The following RBFOX1 variants were observed in gnomAD, a reference collection of about 807,000 sequenced individuals.
The protein encoded by RBFOX1 is RNA binding protein fox-1 homolog 1.
In RBFOX1, 8 loss-of-function variants were observed where a neutral mutation model predicts 57.7. The observed-to-expected ratio is 0.14, with a 90% confidence interval of 0.08 to 0.25. The LOEUF (loss-of-function observed/expected upper bound fraction) is 0.25. RBFOX1 is among the 10% of genes least tolerant of loss of function. The probability of loss-of-function intolerance (pLI) is 1.00; values close to 1 mark genes in which losing one functional copy is unlikely to be tolerated. For synonymous variants in RBFOX1, 326 were observed against 222.4 expected (o/e 1.47, Z -4.15); for missense variants, 611 against 548.5 (o/e 1.11, Z -1.14).
intron 2 of RBFOX1, among the ~76,000 whole-genome samples, chr16:5,512,820 C>T (rs2043652435): frequency 6.6e-6 from 1 of 152,134 alleles, no homozygotes; most frequent in African/African-American, 2.4e-5. Flanking sequence ...TAGTTCTTGC[C>T]TCATGTCTGC....
At chr16:6,451,305 C>T (rs1043388540) in intron 2 of RBFOX1, among the ~76,000 whole-genome samples, 1 of 152,118 alleles carries the variant, frequency 6.6e-6, no homozygotes, top group Admixed American at 6.5e-5. Context: ...GAAGTATCAA[C>T]ATTAGGAATA....
At chr16:5,977,588 G>C (rs2060090755) in intron 4 of RBFOX1, among the ~76,000 whole-genome samples, 1 of 152,206 alleles carries the variant, frequency 6.6e-6, no homozygotes, top group Non-Finnish European at 1.5e-5. Flanking sequence ...ACAGCCTCCA[G>C]CTTCTGGGAA....
At chr16:7,365,627 G>T (rs1353781911) in intron 4 of RBFOX1, among the ~76,000 whole-genome samples, 1 of 152,184 alleles carries the variant, frequency 6.6e-6, no homozygotes, top group Non-Finnish European at 1.5e-5. Flanking sequence ...ATCTTGTGCT[G>T]ATTTACAGCA....
At chr16:6,933,429 C>G (rs2076879830) in intron 3 of RBFOX1, among the ~76,000 whole-genome samples, 1 of 152,228 alleles carries the variant, frequency 6.6e-6, no homozygotes, top group African/African-American at 2.4e-5. Context: ...AATGGCCATC[C>G]TGGCCAGGTG....
At chr16:7,410,830 CGTGTGTGTGTGTGTGTGTGTGT>C (rs56755477) in intron 4 of RBFOX1, among the ~76,000 whole-genome samples, 5 of 150,444 alleles carry the variant, frequency 3.3e-5, no homozygotes, top group African/African-American at 9.8e-5. Flanking sequence ...TGAGTTTTCA[CGTGTGTGTGTGTGTGTGTGTGT>C]GTGTGTGTGT....
At chr16:7,309,062 A>G (rs911278512) in intron 4 of RBFOX1, among the ~76,000 whole-genome samples, 1 of 152,206 alleles carries the variant, frequency 6.6e-6, no homozygotes, top group Non-Finnish European at 1.5e-5. Context: ...TCATGTCTGA[A>G]TTGTTTAAAG....
chr16:6,922,259 C>T (rs186075930), intron 3 of RBFOX1, among the ~76,000 whole-genome samples: 16 of 152,054 alleles, frequency 1.1e-4, no homozygotes, highest in Non-Finnish European at 1.9e-4. Flanking sequence ...CCTGAGCATC[C>T]TACATTGATA....
intron 3 of RBFOX1, among the ~76,000 whole-genome samples, chr16:6,910,602 G>T (rs984746405): frequency 6.6e-6 from 1 of 152,148 alleles, no homozygotes; most frequent in African/African-American, 2.4e-5. Flanking sequence ...CATTTCTTCC[G>T]GAGGTTTTAT....
intron 4 of RBFOX1, among the ~76,000 whole-genome samples, chr16:7,073,304 C>T (rs1465477786): frequency 6.6e-6 from 1 of 152,166 alleles, no homozygotes; most frequent in Non-Finnish European, 1.5e-5. Context: ...CAGAAAATGT[C>T]AGCCAATCCC....
chr16:6,545,309 A>G (rs1012189304), intron 2 of RBFOX1, among the ~76,000 whole-genome samples: 4 of 152,158 alleles, frequency 2.6e-5, no homozygotes, highest in East Asian at 1.9e-4. Flanking sequence ...CTGGCCTTCA[A>G]TAAAAACCCA....
At chr16:6,874,168 C>G (rs1197298785) in intron 3 of RBFOX1, among the ~76,000 whole-genome samples, 1 of 92,548 alleles carries the variant, frequency 1.1e-5, no homozygotes. Context: ...GATAAAGAAA[C>G]TATGGTGTGT....
chr16:7,281,822 T>A (rs2095549538), intron 4 of RBFOX1, among the ~76,000 whole-genome samples: 1 of 152,132 alleles, frequency 6.6e-6, no homozygotes, highest in Non-Finnish European at 1.5e-5. Flanking sequence ...TTTCTTTCTC[T>A]CTTTTCCTCC....
chr16:6,381,133 A>G (rs748341386), intron 2 of RBFOX1, among the ~76,000 whole-genome samples: 6 of 152,150 alleles, frequency 3.9e-5, no homozygotes, highest in African/African-American at 4.8e-5. Flanking sequence ...TTTGTCTGAG[A>G]GCTGGAGAAG....
At chr16:6,606,239 C>T (rs1008614575) in intron 2 of RBFOX1, among the ~76,000 whole-genome samples, 1 of 152,128 alleles carries the variant, frequency 6.6e-6, no homozygotes, top group African/African-American at 2.4e-5. Flanking sequence ...CTGTGAAGTA[C>T]TACTGCCTTT....
chr16:5,406,612 A>C (rs2066875177), intron 1 of RBFOX1, among the ~76,000 whole-genome samples: 1 of 151,926 alleles, frequency 6.6e-6, no homozygotes. Flanking sequence ...ATATATATTC[A>C]CACACACGTG....
At chr16:6,624,740 C>G (rs1002866068) in intron 2 of RBFOX1, among the ~76,000 whole-genome samples, 2 of 152,148 alleles carry the variant, frequency 1.3e-5, no homozygotes, top group African/African-American at 2.4e-5. Context: ...AGGCTGGAAA[C>G]TCACTCCTCC....
At chr16:7,571,244 C>G (rs1454470386) in intron 5 of RBFOX1, among the ~76,000 whole-genome samples, 1 of 152,128 alleles carries the variant, frequency 6.6e-6, no homozygotes, top group African/African-American at 2.4e-5. Flanking sequence ...GCTTCTGTAC[C>G]CACTTACCTG....
chr16:6,626,248 A>G (rs112178280), intron 2 of RBFOX1, among the ~76,000 whole-genome samples: 1 of 151,952 alleles, frequency 6.6e-6, no homozygotes, highest in Non-Finnish European at 1.5e-5. Context: ...CTGTTCAACA[A>G]ATGTTGCCCG....
intron 3 of RBFOX1, among the ~76,000 whole-genome samples, chr16:6,871,940 TG>T (rs2060974257): frequency 2.0e-5 from 3 of 150,750 alleles, no homozygotes; most frequent in Admixed American, 2.0e-4. Context: ...TGTGTGTGTG[TG>T]TGTGTGTGTG....
Sources: allele counts gnomAD v4.1 joint callset (sites outside exome capture counted in the v4.1 genomes callset), GRCh38; gene constraint gnomAD v4.1.1; transcripts MANE v1.5; gene names NCBI Gene and HGNC (gene_info 2026-07-23, HGNC 2026-07-21).